The following KLHL28 variants were observed in gnomAD, a reference collection of about 807,000 sequenced individuals.
KLHL28 encodes the protein kelch-like protein 28.
A neutral mutation model predicts 48.3 loss-of-function variants in KLHL28; 22 were observed. The ratio of observed to expected loss-of-function variants is 0.46; its 90% CI spans 0.33 to 0.65. The LOEUF (loss-of-function observed/expected upper bound fraction) is 0.65, where lower values mean the gene tolerates loss of function less well. KLHL28 is among the 30% of genes least tolerant of loss of function. The pLI, the probability that KLHL28 is intolerant of heterozygous loss-of-function variation, is 0.03. For missense variants in KLHL28, 527 were observed against 704.3 expected, an observed-to-expected ratio of 0.75 and a Z score of 2.85; for synonymous variants, 243 against 242.4, an observed-to-expected ratio of 1.00 and a Z score of -0.02.
chr14:44,960,812 AT>A, intron 1 of KLHL28: 1 of 684,164 alleles, frequency 1.5e-6, no homozygotes, highest in Non-Finnish European at 2.3e-6. Flanking sequence ...AGCTGGGAGC[AT>A]TATTTATAAA....
At chr14:44,941,247 G>A (rs1884060083) in intron 2 of KLHL28, among the ~76,000 whole-genome samples, 1 of 152,148 alleles carries the variant, frequency 6.6e-6, no homozygotes, top group Non-Finnish European at 1.5e-5. Context: ...ATTCTTAAAA[G>A]AAAAGTCTTC....
chr14:44,943,272 A>T (rs528990282), intron 2 of KLHL28, among the ~76,000 whole-genome samples: 1 of 152,370 alleles, frequency 6.6e-6, no homozygotes, highest in East Asian at 1.9e-4. Context: ...GCATTTCAGA[A>T]TAAGAGTTAA....
chr14:44,931,288 G>T, intron 4 of KLHL28, 45 bp downstream of exon 4: 2 of 1,225,740 alleles, frequency 1.6e-6, no homozygotes, highest in Non-Finnish European at 1.2e-6. Context: ...CATCATTATA[G>T]AAAACATTGC....
Position 44,934,690 on chromosome 14 carries a change from TG to T in KLHL28, c.900-133del. ...ATAAACCATGACACACCTTCCAAAGTGGCAAAAAATATAAAGTCAGATAATA... is the reference window on the plus strand; with the variant it reads ...ATAAACCATGACACACCTTCCAAAGTGCAAAAAATATAAAGTCAGATAATA... On this transcript the variant is annotated intron_variant, in intron 2 of 4. Coordinates refer to ENST00000396128, the MANE Select transcript of KLHL28 (RefSeq NM_017658.5). 6.3e-6 allele frequency: 4 copies of T among 633,274 alleles called. No individual in the cohort carries two copies. In the East Asian group the frequency reaches 1.2e-4, roughly 19 times the overall value. The allele number at this position is 633,274 out of a possible 1,614,324, so 39.2% of individuals were successfully genotyped here. A position where few individuals can be genotyped will look rare whatever the true frequency, so the allele number is the denominator to read the frequency against.
chr14:44,950,081 A>T (rs892610104), intron 1 of KLHL28, among the ~76,000 whole-genome samples: 2 of 152,130 alleles, frequency 1.3e-5, no homozygotes, highest in African/African-American at 4.8e-5. Flanking sequence ...ATCACATGAA[A>T]AACCAAGGAA....
chr14:44,931,271 G>T, intron 4 of KLHL28, 62 bp downstream of exon 4: 24 of 915,222 alleles, frequency 2.6e-5, no homozygotes, highest in Non-Finnish European at 3.0e-5. Flanking sequence ...AACTATTATT[G>T]CAAGCACATC....
rs759143404 is a variant in KLHL28, at chr14:44,945,533, A to G, written c.396T>C (p.Leu132=). Residue 132 remains leucine (L), a synonymous_variant, in exon 2 of 5, where the codon CTT becomes CTC. Coordinates refer to ENST00000396128, the MANE Select transcript of KLHL28 (RefSeq NM_017658.5). ...KECCAFLESQ[L]DPGNCIGISR... is the part of the protein sequence containing the mutation. ...AAATTCCAATACAATTACCAGGATC[A>G]AGTTGGCTTTCAAGAAATGCACAAC... 1 of 1,614,206 alleles carries G rather than the reference A, an allele frequency of 6.2e-7. No individual in the cohort carries two copies. The highest frequency in any genetic ancestry group is 8.5e-7 in the Non-Finnish European group (1 of 1,180,040).
chr14:44,931,600 A>T (rs1310926132), intron 3 of KLHL28, 59 bp from the exon 4 acceptor site: 1 of 1,344,922 alleles, frequency 7.4e-7, no homozygotes, highest in Non-Finnish European at 1.0e-6. Flanking sequence ...TTCCTGTCAA[A>T]GCAAAACTAA....
At chr14:44,952,644 T>C (rs1381741515) in intron 1 of KLHL28, among the ~76,000 whole-genome samples, 1 of 152,126 alleles carries the variant, frequency 6.6e-6, no homozygotes, top group South Asian at 2.1e-4. Context: ...AGTGACCTAC[T>C]TGCCTCAGCC....
In KLHL28 at chr14:44,931,553, T is replaced by A. The variant is rs756368978; in HGVS notation, c.1344-12A>T. The A allele has an allele frequency of 1.2e-5, 19 of 1,590,640 alleles. 1 individual carries two copies. The highest frequency in any genetic ancestry group is 8.7e-5 in the Admixed American group (5 of 57,520). ...CATAACGCTCCACACTGCAAATATT[T>A]AAAAAAAATTTAATTTACAGATCTT... On this transcript the variant is annotated splice_polypyrimidine_tract_variant and intron_variant, in intron 3 of 4. Transcript: ENST00000396128.
chr14:44,931,614 C>T, intron 3 of KLHL28, 73 bp from the exon 4 acceptor site: 1 of 1,091,494 alleles, frequency 9.2e-7, no homozygotes, highest in East Asian at 2.5e-5. Context: ...AAACTAAAAC[C>T]CACTACAGCT....
rs116898698 is a variant in KLHL28, at chr14:44,959,854, A to C, written c.-1+1992T>G. Among the ~76,000 whole-genome samples the C allele has an allele frequency of 3.2e-3, 487 of 152,250 alleles. 2 individuals carry two copies. The highest frequency in any genetic ancestry group is 5.4e-3 in the Non-Finnish European group (365 of 67,976). ...TTGATTACAAATTTGTACTCTCTCT[A>C]TATATGATTAAATACAAAAGGCTTT... On this transcript the variant is annotated intron_variant, in intron 1 of 4. Coordinates refer to ENST00000396128, the MANE Select transcript of KLHL28 (RefSeq NM_017658.5).
At chr14:44,949,741 A>G (rs1884495195) in intron 1 of KLHL28, among the ~76,000 whole-genome samples, 1 of 152,132 alleles carries the variant, frequency 6.6e-6, no homozygotes, top group Non-Finnish European at 1.5e-5. Flanking sequence ...ATTCCAAACC[A>G]ACTACCCAAG....
At chr14:44,960,497 C>T (rs1054708297) in intron 1 of KLHL28, among the ~76,000 whole-genome samples, 1 of 152,208 alleles carries the variant, frequency 6.6e-6, no homozygotes, top group African/African-American at 2.4e-5. Flanking sequence ...GAACCAGACA[C>T]TTTCTCATTG....
chr14:44,941,090 A>G (rs1884052378), intron 2 of KLHL28, among the ~76,000 whole-genome samples: 1 of 152,078 alleles, frequency 6.6e-6, no homozygotes, highest in African/African-American at 2.4e-5. Flanking sequence ...ACAAAGTGAG[A>G]CACCTGGGCG....
intron 1 of KLHL28, among the ~76,000 whole-genome samples, chr14:44,960,207 A>G (rs1175095913): frequency 1.3e-5 from 2 of 152,242 alleles, no homozygotes; most frequent in East Asian, 1.9e-4. Context: ...AAAGGGCATG[A>G]TAACTGCTTA....
At chr14:44,946,064 T>C (rs775482623) in intron 1 of KLHL28, 136 bp from the exon 2 acceptor site, 38 of 664,294 alleles carry the variant, frequency 5.7e-5, no homozygotes, top group Non-Finnish European at 9.6e-5. Context: ...TCATAGTAAA[T>C]ACTAGAACTA....
At chr14:44,961,633 T>C (rs1290152523) in intron 1 of KLHL28, 1 of 152,046 alleles carries the variant, frequency 6.6e-6, no homozygotes, top group Non-Finnish European at 1.5e-5. Flanking sequence ...AGATCTTCTG[T>C]CCTGATAAGC....
At chr14:44,938,101 C>T (rs1485472556) in intron 2 of KLHL28, among the ~76,000 whole-genome samples, 1 of 152,140 alleles carries the variant, frequency 6.6e-6, no homozygotes, top group Non-Finnish European at 1.5e-5. Context: ...ATCCCAATAG[C>T]CCCAAAAGTC....
Sources: allele counts gnomAD v4.1 joint callset (sites outside exome capture counted in the v4.1 genomes callset), GRCh38; gene constraint gnomAD v4.1.1; transcripts MANE v1.5; gene names NCBI Gene and HGNC (gene_info 2026-07-23, HGNC 2026-07-21).